Variants in MRC1 observed in about 807,000 individuals in gnomAD.
MRC1 encodes the protein mannose receptor C-type 1.
Under a neutral mutation model 102.9 loss-of-function variants are expected in MRC1, and 62 were observed. The observed-to-expected ratio is 0.60, with a 90% CI of 0.49 to 0.74. The LOEUF is 0.74. Ranked by LOEUF, MRC1 falls within the 30% of genes least tolerant of loss-of-function variation. The pLI, the probability that MRC1 is intolerant of heterozygous loss-of-function variation, is 0.00. For missense variants in MRC1, 1,237 were observed against 862.8 expected, an observed-to-expected ratio of 1.43 and a Z score of -5.43; for synonymous variants, 457 against 298.4, an observed-to-expected ratio of 1.53 and a Z score of -5.48.
chr10:17,888,171 T>C (rs1258244265), intron 22 of MRC1, among the ~76,000 whole-genome samples: 2 of 152,268 alleles, frequency 1.3e-5, no homozygotes, highest in Non-Finnish European at 2.9e-5. Context: ...AAAAAGAGAA[T>C]GGGAGAGAAC....
rs199643443 is a variant in MRC1 at position 17,813,701 on chromosome 10, T to TATATATA, written c.61+4175_61+4176insATATATA. 9.2e-3 allele frequency among the ~76,000 whole-genome samples: 985 copies of TATATATA among 107,106 alleles called. 9 individuals carry two copies. The highest frequency in any genetic ancestry group is 0.012 in the Non-Finnish European group (639 of 53,790). The allele number at this position is 107,106 out of a possible 152,430, so 70.3% of individuals were successfully genotyped here. A position where few individuals can be genotyped will look rare whatever the true frequency, so the allele number is the denominator to read the frequency against. The stretch of plus-strand genomic sequence containing the variant: ...CACACATTATATATATATATATATA[T>TATATATA]TTTTTTTTTTTTTTGAGACAGGGTC... On this transcript the variant is annotated intron_variant, in intron 1 of 29. Coordinates refer to ENST00000569591, the MANE Select transcript of MRC1 (RefSeq NM_002438.4).
chr10:17,877,321 T>A lies in MRC1; in HGVS notation c.2551-579T>A, dbSNP rs997313262. Among the ~76,000 whole-genome samples, 6 of 148,124 alleles carry A rather than the reference T, an allele frequency of 4.1e-5. No homozygotes were observed. In the South Asian group the frequency reaches 1.3e-3, roughly 31 times the overall value. ...ACATGAAATAAATATATGATATATG[T>A]AAAATATATATAGAAAATATATGTA... On this transcript the variant is annotated intron_variant, in intron 17 of 29. Coordinates refer to ENST00000569591, the MANE Select transcript of MRC1 (RefSeq NM_002438.4).
chr10:17,829,682 T>A (rs1399056776), intron 3 of MRC1, among the ~76,000 whole-genome samples: 1 of 151,598 alleles, frequency 6.6e-6, no homozygotes, highest in Non-Finnish European at 1.5e-5. Flanking sequence ...TTAATAGGAA[T>A]GATATTTTCT....
chr10:17,860,401 G>A lies in MRC1; in HGVS notation c.1519-986G>A, dbSNP rs1001090402. ...GTCAATCCTCCTGCCTCAGCCTCCC[G>A]AGTAGCTGGGACTACAGGCACATGC... On this transcript the variant is annotated intron_variant, in intron 9 of 29. Transcript: ENST00000569591. Among the ~76,000 whole-genome samples, 245 of 151,492 alleles carry A rather than the reference G, an allele frequency of 1.6e-3. 1 individual carries two copies. Among genetic ancestry groups the A allele is most frequent in the African/African-American group, 5.5e-3 (228 of 41,294 alleles).
At chr10:17,878,879 A>G (rs1833473838) in intron 18 of MRC1, among the ~76,000 whole-genome samples, 1 of 152,150 alleles carries the variant, frequency 6.6e-6, no homozygotes, top group Admixed American at 6.5e-5. Flanking sequence ...TGGACAAGGA[A>G]CGCCATTTTA....
At chr10:17,823,552 T>C in intron 2 of MRC1, 77 bp downstream of exon 2, 8 of 775,610 alleles carry the variant, frequency 1.0e-5, no homozygotes, top group Non-Finnish European at 1.9e-5. Flanking sequence ...AAGAAAATCA[T>C]CATGTTCTTG....
chr10:17,878,093 AGC>A, intron 18 of MRC1, 126 bp downstream of exon 18: 5 of 659,006 alleles, frequency 7.6e-6, no homozygotes, highest in Admixed American at 5.5e-5. Context: ...CAATTGAAAA[AGC>A]AACTTGAAAA....
At chr10:17,845,686 G>A (rs1403851001) in intron 6 of MRC1, among the ~76,000 whole-genome samples, 1 of 152,142 alleles carries the variant, frequency 6.6e-6, no homozygotes, top group Admixed American at 6.5e-5. Flanking sequence ...GTCCTCTGAG[G>A]TAGGTGTCAT....
intron 22 of MRC1, among the ~76,000 whole-genome samples, chr10:17,887,681 A>G (rs1334545748): frequency 1.3e-5 from 2 of 152,240 alleles, no homozygotes; most frequent in Non-Finnish European, 1.5e-5. Context: ...TAATCTCACC[A>G]ATTCAGAAAA....
Position 17,853,141 on chromosome 10 carries a change from G to A in MRC1, c.1407+17G>A. On this transcript the variant is annotated intron_variant, in intron 8 of 29. Coordinates refer to ENST00000569591, the MANE Select transcript of MRC1 (RefSeq NM_002438.4). ...AAAGGCAAGGTAAGGCCACTTGAAT[G>A]ACTGATATTTATAATGAAAGTCACG... 2 of 780,392 alleles carry A rather than the reference G, an allele frequency of 2.6e-6. No homozygotes were observed. The highest frequency in any genetic ancestry group is 2.4e-6 in the Non-Finnish European group (1 of 417,594). 48.3% of individuals were successfully genotyped at this position (780,392 alleles called of 1,614,324 possible).
At chr10:17,859,342 G>A (rs1388698123) in intron 9 of MRC1, among the ~76,000 whole-genome samples, 2 of 151,954 alleles carry the variant, frequency 1.3e-5, no homozygotes, top group Admixed American at 1.3e-4. Flanking sequence ...TTTTGAGAAG[G>A]AGTCTTGCTA....
At chr10:17,820,211 G>A (rs891465221) in intron 1 of MRC1, among the ~76,000 whole-genome samples, 1 of 152,070 alleles carries the variant, frequency 6.6e-6, no homozygotes, top group African/African-American at 2.4e-5. Flanking sequence ...ACCCAGCCAC[G>A]TTGACACATA....
At chr10:17,857,393 C>A (rs1326265728) in intron 9 of MRC1, among the ~76,000 whole-genome samples, 1 of 152,220 alleles carries the variant, frequency 6.6e-6, no homozygotes, top group Non-Finnish European at 1.5e-5. Flanking sequence ...ATATTACTGT[C>A]ATTTTCTAAA....
chr10:17,811,071 G>C (rs1023226264), intron 1 of MRC1, among the ~76,000 whole-genome samples: 3 of 152,188 alleles, frequency 2.0e-5, no homozygotes, highest in African/African-American at 7.2e-5. Flanking sequence ...GGGATTATAG[G>C]CATGAGCCAC....
At chr10:17,863,444 T>C (rs1833214277) in intron 10 of MRC1, 90 bp from the exon 11 acceptor site, 1 of 771,056 alleles carries the variant, frequency 1.3e-6, no homozygotes, top group Non-Finnish European at 2.4e-6. Context: ...AGCTCAAACA[T>C]AGGACTGAGA....
At chr10:17,838,574 G>GT (rs1554839624) in intron 4 of MRC1, among the ~76,000 whole-genome samples, 1 of 150,084 alleles carries the variant, frequency 6.7e-6, no homozygotes, top group Admixed American at 6.6e-5. Flanking sequence ...AAAAAAGAAA[G>GT]TAAAAAAAAC....
intron 10 of MRC1, among the ~76,000 whole-genome samples, chr10:17,862,688 A>G (rs1034491368): frequency 1.1e-3 from 162 of 152,288 alleles, no homozygotes; most frequent in African/African-American, 3.1e-3. Flanking sequence ...AGGGAATGAA[A>G]TTATTTAGAC....
chr10:17,827,408 A>ACCCTCTGTGGGTGC, intron 2 of MRC1, 134 bp from the exon 3 acceptor site: 1 of 308,804 alleles, frequency 3.2e-6, no homozygotes, highest in South Asian at 4.3e-5. Context: ...AAAAAAAAAA[A>ACCCTCTGTGGGTGC]AAGAAATCCC....
chr10:17,877,328 T>C (rs1833450312), intron 17 of MRC1, among the ~76,000 whole-genome samples: 1 of 148,074 alleles, frequency 6.8e-6, no homozygotes. Context: ...ATGTAAAATA[T>C]ATATAGAAAA....
Sources: gnomAD v4.1 joint callset for allele counts (sites outside exome capture counted in the v4.1 genomes callset) on GRCh38, gnomAD v4.1.1 for gene constraint, MANE v1.5 for transcripts, NCBI Gene and HGNC (gene_info 2026-07-23, HGNC 2026-07-21) for gene names.